Variants in TCEA3 observed in about 807,000 individuals in gnomAD.
The protein encoded by TCEA3 is transcription elongation factor A protein 3.
In TCEA3, 36 loss-of-function variants were observed where a neutral mutation model predicts 44.0. The ratio of observed to expected loss-of-function variants is 0.82; its 90% CI spans 0.63 to 1.08. TCEA3 has a LOEUF of 1.08. Among genes scored for constraint, TCEA3 ranks in the 50% least tolerant of loss-of-function variants. TCEA3 has a pLI of 0.00. For synonymous variants in TCEA3, 162 were observed against 159.7 expected, an observed-to-expected ratio of 1.01 and a Z score of -0.11; for missense variants, 392 against 441.2, an observed-to-expected ratio of 0.89 and a Z score of 1.00.
chr1:23,415,186 T>G (rs1639854451), intron 4 of TCEA3, among the ~76,000 whole-genome samples: 1 of 151,828 alleles, frequency 6.6e-6, no homozygotes, highest in African/African-American at 2.4e-5. Context: ...CTACCCCTGG[T>G]TAATTTTTGT....
intron 4 of TCEA3, among the ~76,000 whole-genome samples, chr1:23,413,984 ATG>A (rs201445489): frequency 1.4e-5 from 1 of 69,182 alleles, no homozygotes; most frequent in African/African-American, 4.2e-5. Context: ...GTCTAGCAGG[ATG>A]TATATATATA....
rs563179230 is a variant in TCEA3 at position 23,417,954 on chromosome 1, T to C, written c.188A>G (p.Glu63Gly). The C allele has an allele frequency of 3.1e-6, 5 of 1,614,030 alleles. No homozygotes were observed. In the South Asian group the frequency reaches 4.4e-5, roughly 14 times the overall value. ...AAGGACTTTGGCCAAGGACACCACCTCCTTGTCTGAGCAGTGCTTGCGGAC... is the reference window on the plus strand; with the variant it reads ...AAGGACTTTGGCCAAGGACACCACCCCCTTGTCTGAGCAGTGCTTGCGGAC... ...NGVRKHCSDK[E>G]VVSLAKVLIK... The change falls in exon 3 of 11, where the codon GAG (glutamate) becomes GGG (glycine). Residue 63 changes from glutamate to glycine, a missense_variant. Coordinates refer to ENST00000450454, the MANE Select transcript of TCEA3 (RefSeq NM_003196.3).
At chr1:23,416,853 T>G (rs1053484640) in intron 4 of TCEA3, among the ~76,000 whole-genome samples, 8 of 152,214 alleles carry the variant, frequency 5.3e-5, no homozygotes, top group African/African-American at 1.9e-4. Context: ...TCTTTGGGAC[T>G]GTTACAAGAT....
At chr1:23,408,513 A>G (rs1639617098) in intron 5 of TCEA3, 151 bp downstream of exon 5, 1 of 731,490 alleles carries the variant, frequency 1.4e-6, no homozygotes, top group South Asian at 2.1e-5. Context: ...ATGTGGAAAG[A>G]CTGTGTGGGT....
chr1:23,420,686 G>C (rs973402521), intron 1 of TCEA3, among the ~76,000 whole-genome samples: 16 of 152,178 alleles, frequency 1.1e-4, no homozygotes, highest in Admixed American at 2.0e-4. Context: ...CGGGTAAAGA[G>C]AACCGTTCTA....
rs371185726 is a variant in TCEA3, at chr1:23,409,563, G to A, written c.381-837C>T. On this transcript the variant is annotated intron_variant, in intron 4 of 10. Coordinates refer to ENST00000450454, the MANE Select transcript of TCEA3 (RefSeq NM_003196.3). ...ACTACATAATTGACTTTTTTTCTTTGAGACAGAGTCTCACTCTGTCACCCA... is the reference window on the plus strand; with the variant it reads ...ACTACATAATTGACTTTTTTTCTTTAAGACAGAGTCTCACTCTGTCACCCA... Among the ~76,000 whole-genome samples, 615 of 151,246 alleles carry A rather than the reference G, an allele frequency of 4.1e-3. 4 individuals are homozygous for A. The highest frequency in any genetic ancestry group is 0.014 in the African/African-American group (582 of 41,188).
chr1:23,420,425 G>A (rs945824532), intron 1 of TCEA3, among the ~76,000 whole-genome samples: 1 of 152,162 alleles, frequency 6.6e-6, no homozygotes, highest in Non-Finnish European at 1.5e-5. Context: ...GCATTGTTTC[G>A]TAGAGATAGG....
intron 1 of TCEA3, among the ~76,000 whole-genome samples, chr1:23,423,329 C>T (rs1394353021): frequency 1.3e-5 from 2 of 152,210 alleles, no homozygotes; most frequent in Non-Finnish European, 2.9e-5. Context: ...CAATCCTCAC[C>T]GCTGCCAGCA....
At chr1:23,404,684 C>T (rs192548563) in intron 5 of TCEA3, among the ~76,000 whole-genome samples, 11 of 152,136 alleles carry the variant, frequency 7.2e-5, no homozygotes, top group African/African-American at 2.4e-4. Flanking sequence ...TTTGGCCAGG[C>T]GCGGTGGCTC....
chr1:23,424,725 G>GCCTT lies in TCEA3; in HGVS notation c.-93_-92insAAGG. 1.0e-6 allele frequency: 1 copy of GCCTT among 966,608 alleles called. No individual in the cohort carries two copies. The highest frequency in any genetic ancestry group is 1.6e-6 in the Non-Finnish European group (1 of 642,328). 59.9% of individuals were successfully genotyped at this position (966,608 alleles called of 1,614,324 possible). ...CGCGAAGGCGGAGGGCGCGCAACCC[G>GCCTT]CGCGGGCCCCAAACACACACGACAC... is the stretch of plus-strand genomic sequence containing the variant. On this transcript the variant is annotated 5_prime_UTR_variant, in exon 1 of 11. Coordinates refer to ENST00000450454, the MANE Select transcript of TCEA3 (RefSeq NM_003196.3).
At chr1:23,413,966 T>C (rs1285273573) in intron 4 of TCEA3, among the ~76,000 whole-genome samples, 1 of 144,306 alleles carries the variant, frequency 6.9e-6, no homozygotes, top group Non-Finnish European at 1.5e-5. Context: ...TAGTAATGCA[T>C]AGGAATAGTC....
At chr1:23,383,504 G>T (rs1558014108) in intron 10 of TCEA3, 2 of 922,568 alleles carry the variant, frequency 2.2e-6, no homozygotes, top group Admixed American at 6.2e-5. Context: ...CATCAAACCT[G>T]GGAGAAAGGC....
intron 4 of TCEA3, among the ~76,000 whole-genome samples, chr1:23,413,786 T>C (rs1166846835): frequency 6.6e-6 from 1 of 152,076 alleles, no homozygotes; most frequent in Non-Finnish European, 1.5e-5. Flanking sequence ...ATGTTAACAA[T>C]GGTTATTTCT....
At chr1:23,418,702 G>A (rs1639967576) in intron 2 of TCEA3, among the ~76,000 whole-genome samples, 1 of 152,132 alleles carries the variant, frequency 6.6e-6, no homozygotes, top group Non-Finnish European at 1.5e-5. Context: ...TTCAGGGCCA[G>A]GAGCTTTTGG....
At chr1:23,387,538 C>G in intron 8 of TCEA3, 119 bp from the exon 9 acceptor site, 2 of 1,235,846 alleles carry the variant, frequency 1.6e-6, no homozygotes, top group Non-Finnish European at 2.2e-6. Context: ...CTGCAAGGAG[C>G]TGGAAGGAGG....
intron 5 of TCEA3, among the ~76,000 whole-genome samples, chr1:23,408,011 G>T (rs1022340299): frequency 6.6e-6 from 1 of 151,964 alleles, no homozygotes; most frequent in Non-Finnish European, 1.5e-5. Flanking sequence ...GCCCAGGTTG[G>T]ATTGCAGTGG....
At chr1:23,386,879 C>A (rs1638856306) in intron 9 of TCEA3, among the ~76,000 whole-genome samples, 7 of 152,218 alleles carry the variant, frequency 4.6e-5, no homozygotes, top group South Asian at 4.1e-4. Flanking sequence ...CGCCACCACA[C>A]CCTGCTAATT....
chr1:23,393,032 C>T (rs1375469083), intron 8 of TCEA3, among the ~76,000 whole-genome samples: 1 of 152,074 alleles, frequency 6.6e-6, no homozygotes, highest in East Asian at 1.9e-4. Flanking sequence ...CCCTTGTTTT[C>T]CTGCAACTAG....
intron 2 of TCEA3, among the ~76,000 whole-genome samples, chr1:23,418,828 A>C (rs1048578486): frequency 2.0e-5 from 3 of 151,782 alleles, no homozygotes; most frequent in African/African-American, 7.3e-5. Context: ...TGGGGTATTC[A>C]AGAAAAGCGA....
Sources: allele counts gnomAD v4.1 joint callset (sites outside exome capture counted in the v4.1 genomes callset), GRCh38; gene constraint gnomAD v4.1.1; transcripts MANE v1.5; gene names NCBI Gene and HGNC (gene_info 2026-07-23, HGNC 2026-07-21).